The following SLC10A3 variants were observed in gnomAD, a reference collection of about 807,000 sequenced individuals.
SLC10A3 encodes P3 protein.
Under a neutral mutation model 1.9 loss-of-function variants are expected in SLC10A3, and 1 was observed. The ratio of observed to expected loss-of-function variants is 0.52; its 90% CI spans 0.19 to 2.48. The LOEUF (loss-of-function observed/expected upper bound fraction) is 2.48. Ranked by LOEUF, SLC10A3 falls within the 30% of genes most tolerant of loss-of-function variation. The probability of loss-of-function intolerance (pLI) is 0.25; values close to 1 mark genes in which losing one functional copy is unlikely to be tolerated. For synonymous variants in SLC10A3, 202 were observed against 189.3 expected (o/e 1.07, Z -0.55); for missense variants, 317 against 398.5 (o/e 0.80, Z 1.74).
chrX:154,488,970 C>G lies in SLC10A3; in HGVS notation c.-30G>C. The G allele has an allele frequency of 8.4e-7, 1 of 1,183,517 alleles. No homozygotes were observed. Among genetic ancestry groups the G allele is most frequent in the Non-Finnish European group, 1.1e-6 (1 of 881,120 alleles). On this transcript the variant is annotated 5_prime_UTR_variant, in exon 2 of 2. Transcript: ENST00000651600. The stretch of plus-strand genomic sequence containing the variant: ...CTTCCTGGAGGACGGATGGCGTGCC[C>G]AGGCCCTCTGCGGCTTAGGAGAACA...
In SLC10A3 at chrX:154,488,698, G is replaced by A. The variant is rs201722705; in HGVS notation, c.243C>T (p.Asp81=). The A allele has an allele frequency of 4.3e-5, 52 of 1,210,226 alleles. No homozygotes were observed. The Middle Eastern group carries it at 1.1e-3, about 27-fold the overall frequency. The part of the protein sequence containing the change: ...GSVMEFEFPE[D]SEGIIVISSQ... Reference sequence around the variant, plus strand: ...TGGAGATCACGATGATGCCCTCACTGTCCTCAGGAAACTCAAACTCCATCA... The same window carrying A: ...TGGAGATCACGATGATGCCCTCACTATCCTCAGGAAACTCAAACTCCATCA... The change falls in exon 2 of 2, where the codon GAC becomes GAT. Residue 81 remains aspartate (D), a synonymous_variant. Coordinates refer to ENST00000651600, the MANE Select transcript of SLC10A3 (RefSeq NM_019848.5).
Position 154,488,625 on chromosome X carries a change from T to C in SLC10A3, c.316A>G (p.Arg106Gly). ...ANRTAPGPML[R>G]VTSLDTEVLT... is the part of the protein sequence containing the mutation. ...ACCTCTGTGTCCAGGGAGGTGACCC[T>C]GAGCATGGGGCCAGGCGCCGTCCTG... is the stretch of plus-strand genomic sequence containing the variant. Residue 106 changes from arginine (R) to glycine (G), a missense_variant, in exon 2 of 2, where the codon AGG becomes GGG. Arg to Gly is a moderately radical substitution (Grantham distance 125, BLOSUM62 -2). Coordinates refer to ENST00000651600, the MANE Select transcript of SLC10A3 (RefSeq NM_019848.5). 8.3e-7 allele frequency: 1 copy of C among 1,211,826 alleles called. No homozygotes were observed.
intron 1 of SLC10A3, chrX:154,489,533 G>A (rs1428798308): frequency 2.7e-6 from 2 of 752,940 alleles, no homozygotes; most frequent in African/African-American, 4.6e-5. Context: ...TGTGCTCAGA[G>A]TGCAGGGCTC....
rs1417166601 is a variant in SLC10A3 at position 154,488,879 on chromosome X, C to T, written c.62G>A (p.Gly21Asp). ...GAGCATGCTTAAGGGACCTGTGCCA[C>T]CACCCTCGCCCCCCAGACCAGGCCA... is the stretch of plus-strand genomic sequence containing the variant. ...QQWPGLGGEGGGTGPLSMLRA... is the reference protein window; with the variant it reads ...QQWPGLGGEGDGTGPLSMLRA... The change falls in exon 2 of 2, where the codon GGT becomes GAT. Residue 21 changes from glycine (G) to aspartate (D), a missense_variant. By Grantham distance (94) the Gly-to-Asp change is moderately conservative (BLOSUM62 -1). Transcript: ENST00000651600. 1 of 1,210,159 alleles carries T rather than the reference C, an allele frequency of 8.3e-7. No homozygotes were observed. Among genetic ancestry groups the T allele is most frequent in the African/African-American group, 1.7e-5 (1 of 57,838 alleles).
Position 154,488,202 on chromosome X carries a change from C to T in SLC10A3, c.739G>A (p.Val247Ile). The part of the protein sequence containing the change: ...MPLYAFLMAK[V>I]FMLPKALALG... ...GCCAGGGCCTTGGGCAGCATGAAGA[C>T]CTTGGCCATGAGGAAAGCGTACAAG... The change falls in exon 2 of 2, where the codon GTC (valine) becomes ATC (isoleucine). Residue 247 changes from valine (V) to isoleucine (I), a missense_variant. By Grantham distance (29) the Val-to-Ile change is conservative. Coordinates refer to ENST00000651600, the MANE Select transcript of SLC10A3 (RefSeq NM_019848.5). 8.3e-7 allele frequency: 1 copy of T among 1,211,601 alleles called. No homozygotes were observed. Among genetic ancestry groups the T allele is most frequent in the Non-Finnish European group, 1.1e-6 (1 of 895,519 alleles).
rs371890695 is a variant in SLC10A3 at position 154,488,126 on chromosome X, A to G, written c.815T>C (p.Leu272Pro). ...GTCCCCTCCAAGAAGGAGGCTGAAGAGGTAGCTCCCCCCGCCGCCAGGCGA... is the reference window on the plus strand; with the variant it reads ...GTCCCCTCCAAGAAGGAGGCTGAAGGGGTAGCTCCCCCCGCCGCCAGGCGA... ...CSSPGGGGSYLFSLLLGGDVT... is the reference protein window; with the variant it reads ...CSSPGGGGSYPFSLLLGGDVT... The change falls in exon 2 of 2, where the codon CTC (leucine) becomes CCC (proline). Residue 272 changes from leucine to proline, a missense_variant. Physicochemically the swap from Leu to Pro is moderately conservative, Grantham distance 98 (BLOSUM62 -3). Coordinates refer to ENST00000651600, the MANE Select transcript of SLC10A3 (RefSeq NM_019848.5). 1.7e-6 allele frequency: 2 copies of G among 1,211,241 alleles called. No homozygotes were observed. The highest frequency in any genetic ancestry group is 3.5e-5 in the African/African-American group (2 of 57,833).
In SLC10A3 at chrX:154,488,279, T is replaced by C. The variant is rs2069333600; in HGVS notation, c.662A>G (p.Gln221Arg). The C allele has an allele frequency of 5.0e-6, 6 of 1,208,640 alleles. No homozygotes were observed. Among genetic ancestry groups the C allele is most frequent in the Non-Finnish European group, 6.7e-6 (6 of 893,924 alleles). Residue 221 changes from glutamine to arginine, a missense_variant, in exon 2 of 2, where the codon CAG becomes CGG. Coordinates refer to ENST00000651600, the MANE Select transcript of SLC10A3 (RefSeq NM_019848.5). ...VELEVLKGLM[Q>R]SPQPMLLGLL... The stretch of plus-strand genomic sequence containing the variant: ...GCCCAGCAGCATGGGCTGGGGGCTC[T>C]GCATGAGCCCCTTCAGAACCTCGAG...
chrX:154,488,473 C>T lies in SLC10A3; in HGVS notation c.468G>A (p.Pro156=), dbSNP rs372105530. The T allele has an allele frequency of 5.9e-5, 71 of 1,208,234 alleles. No individual in the cohort carries two copies. Among genetic ancestry groups the T allele is most frequent in the Non-Finnish European group, 7.2e-5 (64 of 894,129 alleles). The part of the protein sequence containing the change: ...HIQLVDAHEA[P]PTLIEERRDF... ...CTCTCCGCTCCTCAATCAGTGTGGG[C>T]GGGGCCTCATGGGCGTCCACGAGCT... Residue 156 remains proline, a synonymous_variant, in exon 2 of 2, where the codon CCG becomes CCA. Coordinates refer to ENST00000651600, the MANE Select transcript of SLC10A3 (RefSeq NM_019848.5).
rs782368022 is a variant in SLC10A3 at position 154,488,533 on chromosome X, G to A, written c.408C>T (p.His136=). The change falls in exon 2 of 2, where the codon CAC becomes CAT. Residue 136 remains histidine (H), a synonymous_variant. Coordinates refer to ENST00000651600, the MANE Select transcript of SLC10A3 (RefSeq NM_019848.5). ...GTGGGGCCAGCCCAGCCAGGCCTGA[G>A]TGGATGCTCACCACAAAGCCACCCC... The part of the protein sequence containing the change: ...GGGGGFVVSI[H]SGLAGLAPLH... 8.3e-7 allele frequency: 1 copy of A among 1,210,629 alleles called. No individual in the cohort carries two copies. Among genetic ancestry groups the A allele is most frequent in the South Asian group, 1.8e-5 (1 of 56,972 alleles).
Position 154,490,463 on chromosome X carries a change from G to GGCCCCGCC in SLC10A3, c.-307_-300dup. Reference sequence around the variant, plus strand: ...CCCTTACGCCATTCCTGGGCCCCGCGGCCCCGCCAGGCCTCGCAAACGCGC... The same window carrying GGCCCCGCC: ...CCCTTACGCCATTCCTGGGCCCCGCGGCCCCGCCGCCCCGCCAGGCCTCGCAAACGCGC... On this transcript the variant is annotated 5_prime_UTR_variant, in exon 1 of 2. Coordinates refer to ENST00000651600, the MANE Select transcript of SLC10A3 (RefSeq NM_019848.5). 1.8e-6 allele frequency: 1 copy of GGCCCCGCC among 552,210 alleles called. No individual in the cohort carries two copies. 45.5% of individuals were successfully genotyped at this position (552,210 alleles called of 1,213,427 possible).
At position 154,488,724 on chromosome X, in the gene SLC10A3, C is replaced by T. The variant is rs782728908; in HGVS notation, c.217G>A (p.Val73Met). 1 of 1,210,573 alleles carries T rather than the reference C, an allele frequency of 8.3e-7. No individual in the cohort carries two copies. Among genetic ancestry groups the T allele is most frequent in the South Asian group, 1.8e-5 (1 of 56,921 alleles). Residue 73 changes from valine (V) to methionine (M), a missense_variant, in exon 2 of 2, where the codon GTG (valine) becomes ATG (methionine). By Grantham distance (21) the Val-to-Met change is conservative. Coordinates refer to ENST00000651600, the MANE Select transcript of SLC10A3 (RefSeq NM_019848.5). Reference protein sequence around the residue: ...GRYLSIGDGSVMEFEFPEDSE... With the variant: ...GRYLSIGDGSMMEFEFPEDSE... ...TCCTCAGGAAACTCAAACTCCATCA[C>T]AGAGCCATCTCCAATGCTCAAGTAG...
rs2069313578 is a variant in SLC10A3 at position 154,487,443 on chromosome X, A to G, written c.*64T>C. The stretch of plus-strand genomic sequence containing the variant: ...AATAAGCCTGGATTTTTCTGAGTGC[A>G]TAGTGCATGAGAACTTTGGTGGAGT... On this transcript the variant is annotated 3_prime_UTR_variant, in exon 2 of 2. Coordinates refer to ENST00000651600, the MANE Select transcript of SLC10A3 (RefSeq NM_019848.5). 2 of 1,166,223 alleles carry G rather than the reference A, an allele frequency of 1.7e-6. No homozygotes were observed. Among genetic ancestry groups the G allele is most frequent in the Admixed American group, 2.5e-5 (1 of 40,393 alleles).
In SLC10A3 at chrX:154,487,355, C is replaced by T; in HGVS notation, c.*152G>A. 1.4e-6 allele frequency: 1 copy of T among 700,018 alleles called. No individual in the cohort carries two copies. The highest frequency in any genetic ancestry group is 3.8e-5 in the Admixed American group (1 of 25,976). The allele number at this position is 700,018 out of a possible 1,213,427, so 57.7% of individuals were successfully genotyped here. Reference sequence around the variant, plus strand: ...AAATATATTTTCTGGGCAGCGCCCACCTACCTAACTCAGCATGGCCTCTTT... The same window carrying T: ...AAATATATTTTCTGGGCAGCGCCCATCTACCTAACTCAGCATGGCCTCTTT... On this transcript the variant is annotated 3_prime_UTR_variant, in exon 2 of 2. Transcript: ENST00000651600.
rs1557213845 is a variant in SLC10A3 at position 154,488,563 on chromosome X, TC to T, written c.377del (p.Gly126GlufsTer8). 8.3e-7 allele frequency: 1 copy of T among 1,209,794 alleles called. No individual in the cohort carries two copies. Among genetic ancestry groups the T allele is most frequent in the Admixed American group, 2.2e-5 (1 of 46,002 alleles). ...TIKNVSAITW[G>X]GGGGFVVSIH... ...TGCTCACCACAAAGCCACCCCCGCC[TC>T]CCCAGGTTATAGCACTCACGTTCTT... On this transcript the variant is annotated frameshift_variant, in exon 2 of 2. Transcript: ENST00000651600. LOFTEE classifies it low-confidence loss of function (END_TRUNC).
At position 154,488,401 on chromosome X, in the gene SLC10A3, G is replaced by A; in HGVS notation, c.540C>T (p.Leu180=). ...CCGAGAAGTGGGCCAGGTCGGCGCT[G>A]AGGGTGGCAGGCGTGTCTTCAGCAG... ...VSPAEDTPAT[L]SADLAHFSEN... The change falls in exon 2 of 2, where the codon CTC becomes CTT. Residue 180 remains leucine (L), a synonymous_variant. Transcript: ENST00000651600. The A allele has an allele frequency of 8.3e-7, 1 of 1,211,633 alleles. No individual in the cohort carries two copies. Among genetic ancestry groups the A allele is most frequent in the Non-Finnish European group, 1.1e-6 (1 of 895,437 alleles).
In SLC10A3 at chrX:154,488,562, C is replaced by T. The variant is rs145752183; in HGVS notation, c.379G>A (p.Gly127Ser). 1.7e-4 allele frequency: 211 copies of T among 1,208,817 alleles called. No individual in the cohort carries two copies. Among genetic ancestry groups the T allele is most frequent in the Non-Finnish European group, 2.3e-4 (206 of 894,528 alleles). ...IKNVSAITWG[G>S]GGGFVVSIHS... ...ATGCTCACCACAAAGCCACCCCCGC[C>T]TCCCCAGGTTATAGCACTCACGTTC... The change falls in exon 2 of 2, where the codon GGC becomes AGC. Residue 127 changes from glycine (G) to serine (S), a missense_variant. Coordinates refer to ENST00000651600, the MANE Select transcript of SLC10A3 (RefSeq NM_019848.5).
At chrX:154,490,028 C>A in intron 1 of SLC10A3, 1 of 1,026,978 alleles carries the variant, frequency 9.7e-7, no homozygotes, top group Non-Finnish European at 1.3e-6. Flanking sequence ...AGTACAGGAG[C>A]TAAGATGAAG....
At chrX:154,489,640 T>G (rs2069358844) in intron 1 of SLC10A3, 1 of 752,275 alleles carries the variant, frequency 1.3e-6, no homozygotes, top group African/African-American at 2.3e-5. Context: ...CTTCTCAATC[T>G]GGGCAGCGAC....
Position 154,488,650 on chromosome X carries a change from G to A in SLC10A3, c.291C>T (p.Asn97=). The A allele has an allele frequency of 6.6e-6, 8 of 1,211,398 alleles. No homozygotes were observed. Among genetic ancestry groups the A allele is most frequent in the Non-Finnish European group, 8.9e-6 (8 of 894,979 alleles). The part of the protein sequence containing the change: ...VISSQYPGQA[N]RTAPGPMLRV... ...TGAGCATGGGGCCAGGCGCCGTCCT[G>A]TTGGCCTGGCCTGGGTACTGGCTGG... Residue 97 remains asparagine (N), a synonymous_variant, in exon 2 of 2, where the codon AAC becomes AAT. Coordinates refer to ENST00000651600, the MANE Select transcript of SLC10A3 (RefSeq NM_019848.5).
Sources: allele counts gnomAD v4.1 joint callset, GRCh38; gene constraint gnomAD v4.1.1; transcripts MANE v1.5; gene names NCBI Gene and HGNC (gene_info 2026-07-23, HGNC 2026-07-21).